Variants in ZNF532 observed in about 807,000 individuals in gnomAD.
ZNF532 encodes zinc finger protein 532.
ZNF532 carries 22 observed loss-of-function variants against 89.3 expected under a neutral mutation model. The observed-to-expected ratio is 0.25, with a 90% confidence interval of 0.18 to 0.35. ZNF532 has a LOEUF of 0.35. Among genes scored for constraint, ZNF532 ranks in the 10% least tolerant of loss-of-function variants. The pLI, the probability that ZNF532 is intolerant of heterozygous loss-of-function variation, is 1.00. For synonymous variants in ZNF532, 606 were observed against 649.6 expected (o/e 0.93, Z 1.02); for missense variants, 1,132 against 1,643.4 (o/e 0.69, Z 5.38).
chr18:58,942,187 T>C (rs1206360577), intron 5 of ZNF532, among the ~76,000 whole-genome samples: 4 of 151,660 alleles, frequency 2.6e-5, no homozygotes, highest in South Asian at 2.1e-4. Flanking sequence ...CACGCCTGGC[T>C]AATTTTTTGT....
chr18:58,967,465 T>C (rs1171558193), intron 7 of ZNF532, among the ~76,000 whole-genome samples: 1 of 152,232 alleles, frequency 6.6e-6, no homozygotes, highest in Admixed American at 6.5e-5. Context: ...TCCTTTTGCC[T>C]GGACATACCT....
chr18:58,966,860 T>C (rs556287811), intron 7 of ZNF532, among the ~76,000 whole-genome samples: 2 of 151,726 alleles, frequency 1.3e-5, no homozygotes, highest in African/African-American at 4.8e-5. Flanking sequence ...TCACCCGAGG[T>C]TGCTATAAAC....
intron 4 of ZNF532, among the ~76,000 whole-genome samples, chr18:58,937,257 AC>A (rs1239035236): frequency 6.6e-6 from 1 of 152,238 alleles, no homozygotes; most frequent in Non-Finnish European, 1.5e-5. Flanking sequence ...GCATTAAGAT[AC>A]TGCATGAGCC....
At chr18:58,949,802 GT>G (rs1309179120) in intron 6 of ZNF532, among the ~76,000 whole-genome samples, 3 of 152,222 alleles carry the variant, frequency 2.0e-5, no homozygotes, top group Non-Finnish European at 4.4e-5. Context: ...TATTAAACAT[GT>G]GTGAGTTCAT....
intron 2 of ZNF532, among the ~76,000 whole-genome samples, chr18:58,888,741 T>TTATATAA (rs2058530831): frequency 3.3e-5 from 1 of 30,444 alleles, no homozygotes; most frequent in Non-Finnish European, 5.0e-5. Flanking sequence ...TATATATATA[T>TTATATAA]TTTATATATA....
intron 7 of ZNF532, among the ~76,000 whole-genome samples, chr18:58,962,397 A>G (rs2065445868): frequency 6.6e-6 from 1 of 152,178 alleles, no homozygotes; most frequent in Admixed American, 6.5e-5. Context: ...CTCTGTGGAA[A>G]GCATTTGGTT....
intron 3 of ZNF532, among the ~76,000 whole-genome samples, chr18:58,922,769 C>T (rs184283733): frequency 2.4e-4 from 36 of 152,306 alleles, no homozygotes; most frequent in Middle Eastern, 3.4e-3. Flanking sequence ...AGGGTTCTCA[C>T]TATGAGCTGT....
chr18:58,920,729 A>C (rs2060974107), intron 3 of ZNF532, 96 bp downstream of exon 3: 3 of 673,722 alleles, frequency 4.5e-6, no homozygotes, highest in South Asian at 1.7e-5. Context: ...AATGCAGTGA[A>C]ATGGACGTGT....
intron 7 of ZNF532, chr18:58,964,279 C>A (rs974476963): frequency 6.6e-6 from 1 of 152,138 alleles, no homozygotes; most frequent in African/African-American, 2.4e-5. Flanking sequence ...AAACCAGTTT[C>A]TCCTATCTTT....
intron 6 of ZNF532, among the ~76,000 whole-genome samples, chr18:58,951,949 C>T (rs2064251176): frequency 6.6e-6 from 1 of 152,170 alleles, no homozygotes. Context: ...GCGCGTGGCC[C>T]ACCTCAGCCC....
intron 7 of ZNF532, among the ~76,000 whole-genome samples, chr18:58,961,265 C>A (rs957208091): frequency 1.3e-5 from 2 of 152,188 alleles, no homozygotes; most frequent in African/African-American, 4.8e-5. Flanking sequence ...CCATGCTTTG[C>A]GAACTACTGG....
intron 2 of ZNF532, among the ~76,000 whole-genome samples, chr18:58,905,403 CTTT>C (rs11376624): frequency 3.6e-5 from 5 of 139,324 alleles, no homozygotes; most frequent in Admixed American, 7.2e-5. Context: ...TTTTTTCTTT[CTTT>C]TTTTTTTTTT....
intron 6 of ZNF532, among the ~76,000 whole-genome samples, chr18:58,952,738 T>C (rs577053551): frequency 1.3e-5 from 2 of 152,262 alleles, no homozygotes; most frequent in Non-Finnish European, 2.9e-5. Flanking sequence ...GCTTTTACAA[T>C]ACAAAACAAA....
chr18:58,922,850 G>A (rs1321148817), intron 3 of ZNF532, among the ~76,000 whole-genome samples: 2 of 152,170 alleles, frequency 1.3e-5, no homozygotes, highest in African/African-American at 4.8e-5. Flanking sequence ...TGAGAGCAAG[G>A]AAGGGCATGA....
rs780350658 is a variant in ZNF532 at position 58,986,443 on chromosome 18, CATTT to C, written c.*1981_*1984del. The C allele has an allele frequency of 7.9e-5, 12 of 152,620 alleles. No individual in the cohort carries two copies. The highest frequency in any genetic ancestry group is 3.9e-4 in the Admixed American group (6 of 15,280). 9.5% of individuals were successfully genotyped at this position (152,620 alleles called of 1,614,324 possible). On this transcript the variant is annotated 3_prime_UTR_variant, in exon 10 of 10. Coordinates refer to ENST00000591808, the MANE Select transcript of ZNF532 (RefSeq NM_001375912.1). The stretch of plus-strand genomic sequence containing the variant: ...GGTTATGTACATATTGACAAATATT[CATTT>C]ATTCAACAAATAAAAAGTATGTACA...
intron 2 of ZNF532, among the ~76,000 whole-genome samples, chr18:58,915,990 C>G (rs1468133418): frequency 1.3e-5 from 2 of 152,190 alleles, no homozygotes; most frequent in South Asian, 2.1e-4. Context: ...GGGCAGAGCC[C>G]CACTACCATG....
intron 3 of ZNF532, among the ~76,000 whole-genome samples, chr18:58,927,153 T>A (rs1322277729): frequency 1.3e-5 from 2 of 152,146 alleles, no homozygotes; most frequent in Non-Finnish European, 2.9e-5. Flanking sequence ...TTCTAGGGTT[T>A]AAAAAAATAC....
chr18:58,891,553 C>T (rs1363161838), intron 2 of ZNF532, among the ~76,000 whole-genome samples: 2 of 149,416 alleles, frequency 1.3e-5, no homozygotes, highest in African/African-American at 2.5e-5. Flanking sequence ...AAACCTGGGA[C>T]GCTTGTACTT....
At chr18:58,872,852 A>G (rs4940772) in intron 2 of ZNF532, among the ~76,000 whole-genome samples, 11,719 of 152,066 alleles carry the variant, frequency 0.077, 576 homozygotes, top group Admixed American at 0.12. Context: ...GGCATGTGCC[A>G]CCACGCCCGG....
Sources: gnomAD v4.1 joint callset for allele counts (sites outside exome capture counted in the v4.1 genomes callset) on GRCh38, gnomAD v4.1.1 for gene constraint, MANE v1.5 for transcripts, NCBI Gene and HGNC (gene_info 2026-07-23, HGNC 2026-07-21) for gene names.